The following UTRN variants were observed in gnomAD, a reference collection of about 807,000 sequenced individuals.
The protein encoded by UTRN is dystrophin-related protein 1.
UTRN carries 283 observed loss-of-function variants against 463.9 expected under a neutral mutation model. The ratio of observed to expected loss-of-function variants is 0.61; its 90% CI spans 0.55 to 0.67. The LOEUF (loss-of-function observed/expected upper bound fraction) is 0.67, where lower values mean the gene tolerates loss of function less well. Ranked by LOEUF, UTRN falls within the 30% of genes least tolerant of loss-of-function variation. The pLI is 0.00. For missense variants in UTRN, 3,922 were observed against 4,084.3 expected, an observed-to-expected ratio of 0.96 and a Z score of 1.08; for synonymous variants, 1,442 against 1,431.5, an observed-to-expected ratio of 1.01 and a Z score of -0.17.
intron 45 of UTRN, 147 bp downstream of exon 45, chr6:144,539,590 C>CTATGACAG: frequency 2.1e-5 from 17 of 790,832 alleles, no homozygotes; most frequent in East Asian, 3.0e-5. Context: ...TTTTATCTGT[C>CTATGACAG]ATAGACAGAG....
chr6:144,605,729 T>C (rs1380878824), intron 51 of UTRN, among the ~76,000 whole-genome samples: 1 of 151,398 alleles, frequency 6.6e-6, no homozygotes, highest in African/African-American at 2.4e-5. Context: ...CTGAACTTAA[T>C]ACTTAAGTAT....
intron 2 of UTRN, among the ~76,000 whole-genome samples, chr6:144,340,725 A>G: frequency 6.6e-6 from 1 of 152,256 alleles, no homozygotes; most frequent in Non-Finnish European, 1.5e-5. Flanking sequence ...TACTTGCAAC[A>G]TAAATGGTCT....
At chr6:144,473,644 A>C in intron 23 of UTRN, 76 bp from the exon 24 acceptor site, 4 of 1,084,832 alleles carry the variant, frequency 3.7e-6, no homozygotes, top group Non-Finnish European at 5.4e-6. Flanking sequence ...CCTTTGTTCC[A>C]GTGGCGGTAG....
chr6:144,824,450 T>TGTACATATATTGTATATATATACAC (rs767872623), intron 66 of UTRN, among the ~76,000 whole-genome samples: 1 of 80,294 alleles, frequency 1.2e-5, no homozygotes, highest in Admixed American at 1.8e-4. Flanking sequence ...TATATACACA[T>TGTACATATATTGTATATATATACAC]ATACAATAAA....
chr6:144,483,689 TC>T (rs774095263), intron 27 of UTRN, among the ~76,000 whole-genome samples: 31 of 152,320 alleles, frequency 2.0e-4, no homozygotes, highest in Middle Eastern at 3.4e-3. Flanking sequence ...GCTCAAGCCA[TC>T]CTCCTGCCTT....
rs765392670 is a variant in UTRN, at chr6:144,482,277, A to T, written c.3576A>T (p.Leu1192Phe). The stretch of plus-strand genomic sequence containing the variant: ...TTCTCAAGGACAACATCAAGTTATT[A>T]GCTGCCAAGGTGCCCTCTGGTGGCC... ...VKILKDNIKL[L>F]AAKVPSGGQE... Residue 1192 changes from leucine to phenylalanine, a missense_variant, in exon 27 of 75, where the codon TTA becomes TTT. Around this residue, in one of 3 missense-constraint regions of UTRN, gnomAD observed 2,349 missense variants for 2,303.8 expected, o/e 1.02. Coordinates refer to ENST00000367545, the MANE Select transcript of UTRN (RefSeq NM_007124.3). 2 of 1,609,728 alleles carry T rather than the reference A, an allele frequency of 1.2e-6. No homozygotes were observed. The highest frequency in any genetic ancestry group is 2.2e-5 in the South Asian group (2 of 89,944).
chr6:144,597,954 CCT>C (rs1803828765), intron 51 of UTRN, among the ~76,000 whole-genome samples: 1 of 152,078 alleles, frequency 6.6e-6, no homozygotes, highest in Non-Finnish European at 1.5e-5. Flanking sequence ...TGAATTTTCC[CCT>C]GCTTATCTGG....
At position 144,474,648 on chromosome 6, in the gene UTRN, C is replaced by T. The variant is rs761722895; in HGVS notation, c.3225C>T (p.Asn1075=). The change falls in exon 25 of 75, where the codon AAC becomes AAT. Residue 1075 remains asparagine (N), a synonymous_variant. Transcript: ENST00000367545. ...EIETIESSLK[N]MKEIETNLRS... ...AAACAATTGAATCATCTCTGAAAAA[C>T]ATGAAGGAAATAGAGACTAATCTTC... The T allele has an allele frequency of 5.0e-6, 8 of 1,613,262 alleles. No individual in the cohort carries two copies. The African/African-American group carries it at 1.1e-4, about 22-fold the overall frequency.
chr6:144,535,307 C>T (rs1019503581), intron 43 of UTRN, among the ~76,000 whole-genome samples: 2 of 152,196 alleles, frequency 1.3e-5, no homozygotes, highest in Non-Finnish European at 1.5e-5. Flanking sequence ...TCTGGAATTC[C>T]TGGCCTCAAG....
intron 55 of UTRN, 75 bp from the exon 56 acceptor site, chr6:144,751,731 G>GT: frequency 7.1e-7 from 1 of 1,413,738 alleles, no homozygotes; most frequent in East Asian, 2.5e-5. Flanking sequence ...TCAGACCTAA[G>GT]TTATTTAAGG....
chr6:144,409,735 C>G (rs149514337), intron 3 of UTRN, among the ~76,000 whole-genome samples: 1 of 152,158 alleles, frequency 6.6e-6, no homozygotes, highest in Admixed American at 6.5e-5. Context: ...TAACCATCCA[C>G]CAGCCATGAG....
At chr6:144,644,240 G>C (rs957389003) in intron 51 of UTRN, among the ~76,000 whole-genome samples, 6 of 152,114 alleles carry the variant, frequency 3.9e-5, no homozygotes, top group Non-Finnish European at 7.4e-5. Context: ...TCTAAAATTA[G>C]TATTGGAAAA....
chr6:144,342,998 T>C (rs1777265217), intron 2 of UTRN, among the ~76,000 whole-genome samples: 1 of 152,028 alleles, frequency 6.6e-6, no homozygotes, highest in Non-Finnish European at 1.5e-5. Flanking sequence ...GAGAGTATTT[T>C]GCCAGAGTCA....
chr6:144,485,084 T>TA (rs1792299055), intron 27 of UTRN, among the ~76,000 whole-genome samples: 1 of 149,594 alleles, frequency 6.7e-6, no homozygotes, highest in South Asian at 2.1e-4. Context: ...GCTAATATTT[T>TA]TATATATATA....
chr6:144,297,631 G>T (rs1804846034), intron 2 of UTRN, among the ~76,000 whole-genome samples: 1 of 152,106 alleles, frequency 6.6e-6, no homozygotes, highest in Non-Finnish European at 1.5e-5. Flanking sequence ...GAGCAGGTTT[G>T]TTTTTTTCCA....
chr6:144,477,870 TC>T (rs1176286522), intron 25 of UTRN, among the ~76,000 whole-genome samples: 1,630 of 31,100 alleles, frequency 0.052, 30 homozygotes, highest in African/African-American at 0.25. Flanking sequence ...AGTTTGTATC[TC>T]TATCTATCTA....
In UTRN at chr6:144,347,158, T is replaced by C. The variant is rs958694302; in HGVS notation, c.79+55251T>C. Among the ~76,000 whole-genome samples the C allele has an allele frequency of 4.6e-5, 7 of 152,360 alleles. No individual in the cohort carries two copies. In the East Asian group the frequency reaches 1.3e-3, roughly 29 times the overall value. On this transcript the variant is annotated intron_variant, in intron 2 of 74. Transcript: ENST00000367545. ...TTGCCATCCTTCCTGCTTTCTTGCC[T>C]GCTGACAGGACTCTATGTCAGCTGT...
At chr6:144,734,064 A>G (rs925668294) in intron 54 of UTRN, among the ~76,000 whole-genome samples, 4 of 152,252 alleles carry the variant, frequency 2.6e-5, no homozygotes, top group East Asian at 1.9e-4. Context: ...TTCATATACA[A>G]CCTATTACAA....
intron 51 of UTRN, among the ~76,000 whole-genome samples, chr6:144,582,143 A>G (rs1320342945): frequency 1.3e-5 from 2 of 152,222 alleles, no homozygotes; most frequent in African/African-American, 2.4e-5. Context: ...TGTAAGACAC[A>G]ATATAGGACT....
Sources: gnomAD v4.1 joint callset for allele counts (sites outside exome capture counted in the v4.1 genomes callset) on GRCh38, gnomAD v4.1.1 for gene constraint, gnomAD v4.1.1 regional missense constraint, MANE v1.5 for transcripts, NCBI Gene and HGNC (gene_info 2026-07-23, HGNC 2026-07-21) for gene names.